Variants in HDAC9 observed in about 807,000 individuals in gnomAD.
The protein encoded by HDAC9 is histone deacetylase 9.
HDAC9 carries 41 observed loss-of-function variants against 139.4 expected under a neutral mutation model. The ratio of observed to expected loss-of-function variants is 0.29; its 90% CI spans 0.23 to 0.38. The LOEUF is 0.38. Among genes scored for constraint, HDAC9 ranks in the 10% least tolerant of loss-of-function variants. The pLI, the probability that HDAC9 is intolerant of heterozygous loss-of-function variation, is 1.00. For synonymous variants in HDAC9, 517 were observed against 476.2 expected, an observed-to-expected ratio of 1.09 and a Z score of -1.12; for missense variants, 1,147 against 1,297.0, an observed-to-expected ratio of 0.88 and a Z score of 1.78.
At chr7:18,862,474 G>T (rs1217281961) in intron 21 of HDAC9, among the ~76,000 whole-genome samples, 1 of 152,182 alleles carries the variant, frequency 6.6e-6, no homozygotes, top group Non-Finnish European at 1.5e-5. Context: ...TCTTGAGTTG[G>T]AATCAAGTGA....
At chr7:18,965,356 G>T (rs1266461235) in intron 24 of HDAC9, among the ~76,000 whole-genome samples, 1 of 152,196 alleles carries the variant, frequency 6.6e-6, no homozygotes, top group Admixed American at 6.5e-5. Context: ...GTGTCTCAGG[G>T]CTTGAATATA....
intron 1 of HDAC9, among the ~76,000 whole-genome samples, chr7:18,465,880 G>A (rs766520111): frequency 1.2e-4 from 18 of 152,160 alleles, no homozygotes; most frequent in Non-Finnish European, 2.5e-4. Flanking sequence ...CTATTTAGAT[G>A]TTATATTAAT....
chr7:18,991,441 T>G (rs996707427), intron 25 of HDAC9, among the ~76,000 whole-genome samples: 1 of 152,064 alleles, frequency 6.6e-6, no homozygotes, highest in Admixed American at 6.6e-5. Flanking sequence ...ATCAAGACCA[T>G]CCTGGCTAAC....
intron 17 of HDAC9, among the ~76,000 whole-genome samples, chr7:18,820,994 G>C (rs1018866484): frequency 6.6e-6 from 1 of 152,176 alleles, no homozygotes; most frequent in Non-Finnish European, 1.5e-5. Flanking sequence ...TGGAGGCTGG[G>C]ATCAAGTCCA....
rs749453943 is a variant in HDAC9 at position 18,700,606 on chromosome 7, A to G, written c.1732-26974A>G. Among the ~76,000 whole-genome samples the G allele has an allele frequency of 4.6e-5, 7 of 152,246 alleles. No individual in the cohort carries two copies. The East Asian group carries it at 1.3e-3, about 29-fold the overall frequency. On this transcript the variant is annotated intron_variant, in intron 12 of 25. Coordinates refer to ENST00000686413, the MANE Select transcript of HDAC9 (RefSeq NM_178425.4). ...TAACAAATCAGCCCAAAACATAATG[A>G]AAACAATAAACACGCATTATTACCC...
chr7:18,322,910 G>A (rs1481279955), intron 1 of HDAC9, among the ~76,000 whole-genome samples: 1 of 152,134 alleles, frequency 6.6e-6, no homozygotes, highest in Non-Finnish European at 1.5e-5. Flanking sequence ...TCTGGGAAGG[G>A]CTGGGAAGTT....
intron 1 of HDAC9, among the ~76,000 whole-genome samples, chr7:18,340,445 T>G (rs1781918766): frequency 6.6e-6 from 1 of 151,622 alleles, no homozygotes; most frequent in Non-Finnish European, 1.5e-5. Flanking sequence ...GTTCCCTTTT[T>G]ACTTTTGTAC....
chr7:18,786,828 CTTCCTTCA>C (rs1206946637), intron 16 of HDAC9, among the ~76,000 whole-genome samples: 27 of 31,842 alleles, frequency 8.5e-4, no homozygotes, highest in South Asian at 2.6e-3. Flanking sequence ...TCATTCCTTC[CTTCCTTCA>C]TTCCTTCCTT....
chr7:18,295,972 G>T (rs1213912810), intron 1 of HDAC9, among the ~76,000 whole-genome samples: 1 of 152,090 alleles, frequency 6.6e-6, no homozygotes, highest in Non-Finnish European at 1.5e-5. Context: ...TCAGTGCCTT[G>T]GCAATAGTAG....
intron 2 of HDAC9, among the ~76,000 whole-genome samples, chr7:18,211,490 G>A (rs1323213610): frequency 6.6e-6 from 1 of 152,132 alleles, no homozygotes; most frequent in East Asian, 1.9e-4. Context: ...ATATACTCAT[G>A]ACTTCCTTCT....
chr7:18,467,155 T>A (rs1034739085), intron 1 of HDAC9, among the ~76,000 whole-genome samples: 1 of 152,188 alleles, frequency 6.6e-6, no homozygotes, highest in African/African-American at 2.4e-5. Context: ...CACCGTCTTC[T>A]TCCCTACTCA....
At chr7:18,224,629 A>G (rs961821496) in intron 2 of HDAC9, among the ~76,000 whole-genome samples, 1 of 152,114 alleles carries the variant, frequency 6.6e-6, no homozygotes, top group African/African-American at 2.4e-5. Flanking sequence ...ACACACATTC[A>G]CATGGAGGCT....
At chr7:18,129,090 G>A (rs1784850403) in intron 1 of HDAC9, among the ~76,000 whole-genome samples, 1 of 152,264 alleles carries the variant, frequency 6.6e-6, no homozygotes, top group South Asian at 2.1e-4. Flanking sequence ...TGTGATTGAA[G>A]CAAGGAGACT....
At chr7:18,817,414 A>C (rs949305066) in intron 17 of HDAC9, among the ~76,000 whole-genome samples, 1 of 152,142 alleles carries the variant, frequency 6.6e-6, no homozygotes, top group African/African-American at 2.4e-5. Flanking sequence ...AATAAAAAAA[A>C]CCCAAAGAGG....
At chr7:18,560,337 G>A (rs184968809) in intron 2 of HDAC9, among the ~76,000 whole-genome samples, 7 of 152,284 alleles carry the variant, frequency 4.6e-5, no homozygotes, top group Admixed American at 3.9e-4. Context: ...AAAGGAAATA[G>A]TAGTTTCTGT....
chr7:18,670,635 G>T (rs144253491), intron 12 of HDAC9, among the ~76,000 whole-genome samples: 1,691 of 152,080 alleles, frequency 0.011, 15 homozygotes, highest in South Asian at 0.018. Context: ...AGATTTAGGA[G>T]GTCTAGCTTT....
intron 21 of HDAC9, among the ~76,000 whole-genome samples, chr7:18,857,993 C>T (rs1797817145): frequency 6.6e-6 from 1 of 152,092 alleles, no homozygotes; most frequent in Non-Finnish European, 1.5e-5. Context: ...TGGTCTAAAA[C>T]AAATACACAT....
At chr7:18,598,539 A>G (rs978779242) in intron 6 of HDAC9, among the ~76,000 whole-genome samples, 5 of 152,210 alleles carry the variant, frequency 3.3e-5, no homozygotes, top group Non-Finnish European at 5.9e-5. Context: ...TCAAATGAGG[A>G]TAATAATTGC....
chr7:18,977,384 A>G (rs965719736), intron 25 of HDAC9, among the ~76,000 whole-genome samples: 6 of 152,240 alleles, frequency 3.9e-5, no homozygotes, highest in Middle Eastern at 3.2e-3. Context: ...TTAGAATTTA[A>G]TATAGAAAAA....
Sources: gnomAD v4.1 joint callset for allele counts (sites outside exome capture counted in the v4.1 genomes callset) on GRCh38, gnomAD v4.1.1 for gene constraint, MANE v1.5 for transcripts, NCBI Gene and HGNC (gene_info 2026-07-23, HGNC 2026-07-21) for gene names.